SPIRE1: variants seen among roughly 807,000 people sequenced by gnomAD.
The protein encoded by SPIRE1 is spire type actin nucleation factor 1.
Under a neutral mutation model 94.1 loss-of-function variants are expected in SPIRE1, and 40 were observed. That is an observed-to-expected ratio of 0.43 (90% confidence interval 0.33 to 0.55). The LOEUF (loss-of-function observed/expected upper bound fraction) is 0.55, where lower values mean the gene tolerates loss of function less well. Among genes scored for constraint, SPIRE1 ranks in the 20% least tolerant of loss-of-function variants. The pLI, the probability that SPIRE1 is intolerant of heterozygous loss-of-function variation, is 0.06. For synonymous variants in SPIRE1, 376 were observed against 371.7 expected, an observed-to-expected ratio of 1.01 and a Z score of -0.13; for missense variants, 838 against 975.2, an observed-to-expected ratio of 0.86 and a Z score of 1.87.
At chr18:12,549,152 G>A (rs987745739) in intron 2 of SPIRE1, among the ~76,000 whole-genome samples, 2 of 152,136 alleles carry the variant, frequency 1.3e-5, no homozygotes, top group African/African-American at 4.8e-5. Context: ...TTCAAAGACG[G>A]CAGAGCCTAA....
At chr18:12,660,827 G>C (rs1179961667), upstream of SPIRE1, among the ~76,000 whole-genome samples, 1 of 152,052 alleles carries the variant, frequency 6.6e-6, no homozygotes, top group African/African-American at 2.4e-5. Context: ...GAGCATATAT[G>C]TAATTAAGTT....
intron 2 of SPIRE1, among the ~76,000 whole-genome samples, chr18:12,572,040 T>C (rs1012918842): frequency 2.6e-5 from 4 of 152,150 alleles, no homozygotes; most frequent in Non-Finnish European, 5.9e-5. Flanking sequence ...GTAGGAGTTA[T>C]ACAGGAGCAG....
Position 12,446,888 on chromosome 18 carries a change from C to A in SPIRE1, c.*2750G>T, listed in dbSNP as rs1341504831. 6.6e-6 allele frequency: 1 copy of A among 152,142 alleles called. No homozygotes were observed. The highest frequency in any genetic ancestry group is 1.5e-5 in the Non-Finnish European group (1 of 68,032). 9.4% of individuals were successfully genotyped at this position (152,142 alleles called of 1,614,324 possible). ...TCATTTTAAGCCTCTTACATAACCACCTTCTGGTTTCATTTGAAATCCTTA... is the reference window on the plus strand; with the variant it reads ...TCATTTTAAGCCTCTTACATAACCAACTTCTGGTTTCATTTGAAATCCTTA... On this transcript the variant is annotated 3_prime_UTR_variant, in exon 17 of 17. Coordinates refer to ENST00000409402, the MANE Select transcript of SPIRE1 (RefSeq NM_001128626.2).
chr18:12,474,081 AT>A (rs1431531984), intron 10 of SPIRE1, among the ~76,000 whole-genome samples: 1 of 152,268 alleles, frequency 6.6e-6, no homozygotes, highest in Non-Finnish European at 1.5e-5. Context: ...AACCAAAAAC[AT>A]TGCTAGAATG....
chr18:12,541,209 C>T (rs1288651583), intron 3 of SPIRE1, among the ~76,000 whole-genome samples: 7 of 152,100 alleles, frequency 4.6e-5, no homozygotes, highest in Admixed American at 4.6e-4. Flanking sequence ...AGAACATTTC[C>T]TATGTAATTA....
chr18:12,626,493 G>C (rs935090702), intron 2 of SPIRE1, among the ~76,000 whole-genome samples: 18 of 152,118 alleles, frequency 1.2e-4, no homozygotes, highest in African/African-American at 4.1e-4. Context: ...TAACACTTTT[G>C]TCAAGGTTAC....
intron 2 of SPIRE1, among the ~76,000 whole-genome samples, chr18:12,549,176 A>C (rs2035263370): frequency 6.6e-6 from 1 of 152,162 alleles, no homozygotes; most frequent in Admixed American, 6.5e-5. Context: ...TGTGGTGTGC[A>C]TTAGAAAAAA....
chr18:12,455,992 T>A (rs2031489494), intron 12 of SPIRE1, among the ~76,000 whole-genome samples: 1 of 152,162 alleles, frequency 6.6e-6, no homozygotes, highest in Admixed American at 6.5e-5. Flanking sequence ...TTACTAAAAA[T>A]CAATGCAAAA....
intron 1 of SPIRE1, among the ~76,000 whole-genome samples, chr18:12,643,148 T>TA (rs1267083385): frequency 1.3e-5 from 2 of 152,198 alleles, no homozygotes; most frequent in East Asian, 3.8e-4. Context: ...CATAAATAGC[T>TA]AAAAATGTTT....
At chr18:12,507,903 C>T (rs2033890528) in intron 5 of SPIRE1, among the ~76,000 whole-genome samples, 1 of 151,818 alleles carries the variant, frequency 6.6e-6, no homozygotes, top group Non-Finnish European at 1.5e-5. Flanking sequence ...TCCCAGCACT[C>T]TGGGAGGCTG....
At chr18:12,610,189 G>T (rs939104868) in intron 2 of SPIRE1, among the ~76,000 whole-genome samples, 1 of 151,968 alleles carries the variant, frequency 6.6e-6, no homozygotes, top group African/African-American at 2.4e-5. Flanking sequence ...CCGGTTTACT[G>T]TCACTCTTCT....
At chr18:12,525,571 T>G (rs902680993) in intron 4 of SPIRE1, among the ~76,000 whole-genome samples, 32 of 152,006 alleles carry the variant, frequency 2.1e-4, no homozygotes, top group Admixed American at 5.9e-4. Context: ...CAAGCATTTA[T>G]GGGGGATTGG....
At chr18:12,632,093 A>C (rs150125549) in intron 2 of SPIRE1, among the ~76,000 whole-genome samples, 2 of 152,024 alleles carry the variant, frequency 1.3e-5, no homozygotes, top group Non-Finnish European at 2.9e-5. Flanking sequence ...TCATTCTGAC[A>C]GTCTTCCTCA....
chr18:12,484,338 T>G (rs1440709625), intron 9 of SPIRE1, among the ~76,000 whole-genome samples: 4 of 152,162 alleles, frequency 2.6e-5, no homozygotes, highest in African/African-American at 9.7e-5. Context: ...CAGACCAAAT[T>G]TTTTACAAGG....
At chr18:12,512,637 G>A in intron 4 of SPIRE1, 106 bp from the exon 5 acceptor site, 2 of 706,258 alleles carry the variant, frequency 2.8e-6, no homozygotes, top group South Asian at 3.6e-5. Flanking sequence ...TACCAGTGAA[G>A]GAGATGGTAC....
intron 9 of SPIRE1, among the ~76,000 whole-genome samples, chr18:12,482,216 C>T (rs2032868110): frequency 6.6e-6 from 1 of 152,170 alleles, no homozygotes; most frequent in African/African-American, 2.4e-5. Flanking sequence ...GATCTCAGCT[C>T]ACTGTAACCT....
At chr18:12,593,201 CT>C (rs946243759) in intron 2 of SPIRE1, among the ~76,000 whole-genome samples, 3 of 152,196 alleles carry the variant, frequency 2.0e-5, no homozygotes, top group African/African-American at 7.2e-5. Context: ...AAATTAAAAA[CT>C]ATAACCTATT....
Position 12,535,612 on chromosome 18 carries a change from G to A in SPIRE1, c.604-11C>T. 8 of 1,602,778 alleles carry A rather than the reference G, an allele frequency of 5.0e-6. No individual in the cohort carries two copies. Among genetic ancestry groups the A allele is most frequent in the South Asian group, 1.1e-5 (1 of 89,614 alleles). On this transcript the variant is annotated splice_polypyrimidine_tract_variant and intron_variant, in intron 3 of 16. Coordinates refer to ENST00000409402, the MANE Select transcript of SPIRE1 (RefSeq NM_001128626.2). The stretch of plus-strand genomic sequence containing the variant: ...ATGAGCAGCACACAACTATAGAAGG[G>A]GAAAATAAAATAATGGTGCTTGGTT...
At chr18:12,639,129 AT>A (rs143232845) in intron 1 of SPIRE1, among the ~76,000 whole-genome samples, 1 of 150,656 alleles carries the variant, frequency 6.6e-6, no homozygotes, top group Non-Finnish European at 1.5e-5. Flanking sequence ...CTCAAAAAAA[AT>A]TTTTTTTTTG....
Sources: gnomAD v4.1 joint callset for allele counts (sites outside exome capture counted in the v4.1 genomes callset) on GRCh38, gnomAD v4.1.1 for gene constraint, MANE v1.5 for transcripts, NCBI Gene and HGNC (gene_info 2026-07-23, HGNC 2026-07-21) for gene names.